The following PRKG1 variants were observed in gnomAD, a reference collection of about 807,000 sequenced individuals.
PRKG1 encodes the protein cGMP-dependent protein kinase 1.
In PRKG1, 35 loss-of-function variants were observed where a neutral mutation model predicts 88.1. The observed-to-expected ratio is 0.40, with a 90% CI of 0.30 to 0.53. The LOEUF is 0.53. PRKG1 is among the 20% of genes least tolerant of loss of function. The pLI is 0.59. For synonymous variants in PRKG1, 303 were observed against 292.5 expected, an observed-to-expected ratio of 1.04 and a Z score of -0.37; for missense variants, 540 against 839.8, an observed-to-expected ratio of 0.64 and a Z score of 4.41.
chr10:52,071,582 G>C (rs184672084), intron 7 of PRKG1, among the ~76,000 whole-genome samples: 187 of 148,042 alleles, frequency 1.3e-3, no homozygotes, highest in Non-Finnish European at 2.2e-3. Context: ...TTCACTTTTG[G>C]GGTGCACATT....
At chr10:52,174,332 C>A (rs1210074616) in intron 9 of PRKG1, among the ~76,000 whole-genome samples, 3 of 151,526 alleles carry the variant, frequency 2.0e-5, no homozygotes, top group Non-Finnish European at 4.4e-5. Context: ...GCAGATGATG[C>A]TTTTTTGAGT....
chr10:51,784,744 A>T (rs1005896599), intron 3 of PRKG1, among the ~76,000 whole-genome samples: 2 of 152,140 alleles, frequency 1.3e-5, no homozygotes, highest in African/African-American at 2.4e-5. Flanking sequence ...TGGAAATAAG[A>T]AACAGTTCCC....
chr10:51,686,631 T>C (rs552312339), intron 3 of PRKG1, among the ~76,000 whole-genome samples: 1 of 152,208 alleles, frequency 6.6e-6, no homozygotes, highest in African/African-American at 2.4e-5. Context: ...TTAAGCACAT[T>C]TGTTTCCCCC....
At chr10:52,292,364 T>G (rs892004655) in intron 17 of PRKG1, among the ~76,000 whole-genome samples, 22 of 152,184 alleles carry the variant, frequency 1.4e-4, no homozygotes, top group South Asian at 4.2e-4. Context: ...TGGTAATGCC[T>G]AGGTCTTCTT....
chr10:51,569,338 C>G (rs202104612), intron 3 of PRKG1, among the ~76,000 whole-genome samples: 15 of 151,960 alleles, frequency 9.9e-5, no homozygotes, highest in Admixed American at 9.9e-4. Flanking sequence ...GGGTTTGATA[C>G]GGTTTGTCTT....
intron 5 of PRKG1, among the ~76,000 whole-genome samples, chr10:51,951,924 A>G (rs1023237835): frequency 7.9e-5 from 12 of 152,186 alleles, no homozygotes; most frequent in African/African-American, 2.9e-4. Flanking sequence ...GAAGAGTAAT[A>G]GTTCATGCCA....
At chr10:51,877,792 A>C in intron 4 of PRKG1, among the ~76,000 whole-genome samples, 1 of 152,230 alleles carries the variant, frequency 6.6e-6, no homozygotes. Flanking sequence ...TAACTTTCCC[A>C]TAAAGATAAT....
chr10:52,037,801 C>A (rs1238558987), intron 5 of PRKG1, among the ~76,000 whole-genome samples: 12 of 151,906 alleles, frequency 7.9e-5, no homozygotes, highest in Admixed American at 7.9e-4. Context: ...GGACCTAGCT[C>A]GGCCTGGCGA....
At chr10:51,362,988 TTC>T (rs1476540310) in intron 2 of PRKG1, among the ~76,000 whole-genome samples, 1 of 151,918 alleles carries the variant, frequency 6.6e-6, no homozygotes, top group Non-Finnish European at 1.5e-5. Flanking sequence ...CAGCAAATCA[TTC>T]TCTGTCCTAG....
chr10:51,640,025 TA>T (rs1839758151), intron 3 of PRKG1, among the ~76,000 whole-genome samples: 1 of 152,174 alleles, frequency 6.6e-6, no homozygotes, highest in Non-Finnish European at 1.5e-5. Context: ...TTGTAAAGAT[TA>T]AAAGAGGTAA....
At chr10:51,711,033 C>G (rs780708652) in intron 3 of PRKG1, among the ~76,000 whole-genome samples, 1 of 151,552 alleles carries the variant, frequency 6.6e-6, no homozygotes, top group South Asian at 2.1e-4. Context: ...GAAAGACTTA[C>G]AATTCCCCTT....
At chr10:51,319,132 G>T (rs1841392003) in intron 2 of PRKG1, among the ~76,000 whole-genome samples, 1 of 152,116 alleles carries the variant, frequency 6.6e-6, no homozygotes, top group Non-Finnish European at 1.5e-5. Flanking sequence ...TTCCTAGATA[G>T]CTCAGCATTC....
At chr10:52,253,370 C>G (rs1443775912) in intron 10 of PRKG1, 1 of 151,844 alleles carries the variant, frequency 6.6e-6, no homozygotes, top group Non-Finnish European at 1.5e-5. Flanking sequence ...AAATAACTTA[C>G]AGGCACTGAA....
chr10:51,427,771 G>T (rs1588948168), intron 2 of PRKG1, among the ~76,000 whole-genome samples: 1 of 152,170 alleles, frequency 6.6e-6, no homozygotes, highest in East Asian at 1.9e-4. Flanking sequence ...TTCACCAAAG[G>T]TTTCAGGTGA....
intron 3 of PRKG1, among the ~76,000 whole-genome samples, chr10:51,744,551 A>C (rs1303377484): frequency 6.6e-6 from 1 of 152,194 alleles, no homozygotes; most frequent in Admixed American, 6.5e-5. Context: ...TCCTACCCTT[A>C]CATAAGAATA....
chr10:52,228,620 A>T (rs1349923700), intron 9 of PRKG1, among the ~76,000 whole-genome samples: 1 of 152,186 alleles, frequency 6.6e-6, no homozygotes, highest in Non-Finnish European at 1.5e-5. Context: ...ATATGAAAGG[A>T]TATGGCACAG....
chr10:51,150,262 T>A (rs892759068), intron 1 of PRKG1, among the ~76,000 whole-genome samples: 2 of 152,136 alleles, frequency 1.3e-5, no homozygotes, highest in Non-Finnish European at 2.9e-5. Context: ...CTCAACTCAC[T>A]GATTTTATAT....
At position 51,665,140 on chromosome 10, in the gene PRKG1, C is replaced by T. The variant is rs578114670; in HGVS notation, c.593-139445C>T. Among the ~76,000 whole-genome samples, 27 of 152,106 alleles carry T rather than the reference C, an allele frequency of 1.8e-4. No individual in the cohort carries two copies. In the South Asian group the frequency reaches 4.8e-3, roughly 27 times the overall value. The stretch of plus-strand genomic sequence containing the variant: ...AAACTCACATTGTAACAACTTGAAT[C>T]GTTATCTGGGCATAAATAATTTGTA... On this transcript the variant is annotated intron_variant, in intron 3 of 17. Coordinates refer to ENST00000373980, the MANE Select transcript of PRKG1 (RefSeq NM_006258.4).
intron 7 of PRKG1, among the ~76,000 whole-genome samples, chr10:52,121,192 C>A (rs1847812077): frequency 6.6e-6 from 1 of 152,060 alleles, no homozygotes; most frequent in Non-Finnish European, 1.5e-5. Flanking sequence ...ATCATGAGGC[C>A]TTTAGAGCAT....
Sources: gnomAD v4.1 joint callset for allele counts (sites outside exome capture counted in the v4.1 genomes callset) on GRCh38, gnomAD v4.1.1 for gene constraint, MANE v1.5 for transcripts, NCBI Gene and HGNC (gene_info 2026-07-23, HGNC 2026-07-21) for gene names.